The following DACH1 variants were observed in gnomAD, a reference collection of about 807,000 sequenced individuals.
The protein encoded by DACH1 is dachshund homolog 1.
Under a neutral mutation model 54.2 loss-of-function variants are expected in DACH1, and 12 were observed. That is an observed-to-expected ratio of 0.22 (90% CI 0.14 to 0.36). The LOEUF is 0.36. DACH1 is among the 10% of genes least tolerant of loss of function. DACH1 has a pLI of 1.00. For synonymous variants in DACH1, 386 were observed against 366.2 expected, an observed-to-expected ratio of 1.05 and a Z score of -0.62; for missense variants, 805 against 929.8, an observed-to-expected ratio of 0.87 and a Z score of 1.75.
chr13:71,538,995 C>T (rs929250941), intron 6 of DACH1, among the ~76,000 whole-genome samples: 5 of 151,920 alleles, frequency 3.3e-5, no homozygotes, highest in African/African-American at 1.2e-4. Context: ...CGATGTTGCA[C>T]AGTTCCTTAT....
intron 1 of DACH1, among the ~76,000 whole-genome samples, chr13:71,810,892 A>G (rs1458490579): frequency 3.3e-5 from 5 of 152,148 alleles, no homozygotes; most frequent in African/African-American, 1.2e-4. Flanking sequence ...TAATTCCCAA[A>G]ATACTGTAAT....
At chr13:71,678,608 C>G (rs980384293) in intron 2 of DACH1, among the ~76,000 whole-genome samples, 1 of 150,208 alleles carries the variant, frequency 6.7e-6, no homozygotes, top group Non-Finnish European at 1.5e-5. Flanking sequence ...CTCCCTCCCT[C>G]CCTTCTTCCT....
At chr13:71,692,128 G>A (rs1034203574) in intron 1 of DACH1, among the ~76,000 whole-genome samples, 4 of 151,534 alleles carry the variant, frequency 2.6e-5, no homozygotes, top group South Asian at 2.1e-4. Flanking sequence ...GTATTAAAAG[G>A]TCATTTATTA....
intron 1 of DACH1, among the ~76,000 whole-genome samples, chr13:71,764,650 A>G (rs1436797312): frequency 6.6e-6 from 1 of 152,158 alleles, no homozygotes; most frequent in Non-Finnish European, 1.5e-5. Context: ...CCCCATATCT[A>G]ATAATTGCTT....
intron 3 of DACH1, among the ~76,000 whole-genome samples, chr13:71,614,804 T>G (rs1203799406): frequency 6.9e-6 from 1 of 145,216 alleles, no homozygotes; most frequent in Non-Finnish European, 1.5e-5. Context: ...CAGTGAGCCG[T>G]GATTGCACCA....
At chr13:71,837,814 C>T (rs1888856879) in intron 1 of DACH1, among the ~76,000 whole-genome samples, 1 of 149,062 alleles carries the variant, frequency 6.7e-6, no homozygotes, top group Admixed American at 6.7e-5. Flanking sequence ...CCATGGAATA[C>T]TATGCAGCCA....
intron 4 of DACH1, among the ~76,000 whole-genome samples, chr13:71,565,776 T>A (rs965497568): frequency 6.6e-6 from 1 of 152,196 alleles, no homozygotes; most frequent in Non-Finnish European, 1.5e-5. Context: ...CTGAAACAAC[T>A]TAACTTTATT....
chr13:71,763,388 G>GTT (rs1885482913), intron 1 of DACH1, among the ~76,000 whole-genome samples: 14 of 152,248 alleles, frequency 9.2e-5, no homozygotes, highest in African/African-American at 3.4e-4. Context: ...TGTTGTTATA[G>GTT]ATTATTTCCA....
At chr13:71,460,026 T>C (rs1875935883) in intron 10 of DACH1, among the ~76,000 whole-genome samples, 1 of 152,014 alleles carries the variant, frequency 6.6e-6, no homozygotes, top group Non-Finnish European at 1.5e-5. Context: ...ATGTGCATTG[T>C]TGGGTTTAAA....
At chr13:71,821,505 T>A (rs1221225781) in intron 1 of DACH1, among the ~76,000 whole-genome samples, 1 of 152,150 alleles carries the variant, frequency 6.6e-6, no homozygotes, top group African/African-American at 2.4e-5. Flanking sequence ...AATTTTCCCC[T>A]TAATGTAGGC....
chr13:71,589,930 A>G (rs570524803), intron 3 of DACH1, among the ~76,000 whole-genome samples: 1 of 152,210 alleles, frequency 6.6e-6, no homozygotes, highest in Admixed American at 6.5e-5. Flanking sequence ...AAACCATGCC[A>G]GAGAGCAATT....
intron 6 of DACH1, among the ~76,000 whole-genome samples, chr13:71,512,576 C>T (rs1478882170): frequency 6.6e-6 from 1 of 151,778 alleles, no homozygotes; most frequent in East Asian, 1.9e-4. Context: ...CCAATAAACT[C>T]CAAAAATTTG....
chr13:71,682,335 T>G (rs548120444), intron 1 of DACH1, among the ~76,000 whole-genome samples: 1 of 152,326 alleles, frequency 6.6e-6, no homozygotes, highest in South Asian at 2.1e-4. Context: ...TTAAGGTTCT[T>G]CAGGAAATTA....
At chr13:71,579,407 A>G (rs999729107) in intron 3 of DACH1, among the ~76,000 whole-genome samples, 1 of 152,090 alleles carries the variant, frequency 6.6e-6, no homozygotes, top group Non-Finnish European at 1.5e-5. Flanking sequence ...ATTCTTTACT[A>G]CGGCCAATGA....
chr13:71,831,319 A>C (rs1278235603), intron 1 of DACH1, among the ~76,000 whole-genome samples: 3 of 151,864 alleles, frequency 2.0e-5, no homozygotes, highest in Non-Finnish European at 4.4e-5. Context: ...AATATTTAGT[A>C]ACCACATGGT....
At chr13:71,701,828 T>G (rs1231415961) in intron 1 of DACH1, among the ~76,000 whole-genome samples, 1 of 152,180 alleles carries the variant, frequency 6.6e-6, no homozygotes, top group African/African-American at 2.4e-5. Flanking sequence ...TTCAATTCCG[T>G]ACTGTTTTAC....
chr13:71,598,411 C>T (rs1199604950), intron 3 of DACH1, among the ~76,000 whole-genome samples: 2 of 151,930 alleles, frequency 1.3e-5, no homozygotes, highest in African/African-American at 2.4e-5. Context: ...TGCGCCACCA[C>T]GCCCGGCTAA....
At chr13:71,628,214 C>T (rs1876810729) in intron 3 of DACH1, among the ~76,000 whole-genome samples, 1 of 151,970 alleles carries the variant, frequency 6.6e-6, no homozygotes, top group Non-Finnish European at 1.5e-5. Context: ...TCAGGAATTG[C>T]TTTGATCTTT....
At chr13:71,731,876 T>A (rs555637933) in intron 1 of DACH1, among the ~76,000 whole-genome samples, 2 of 152,306 alleles carry the variant, frequency 1.3e-5, no homozygotes, top group African/African-American at 4.8e-5. Flanking sequence ...GTTCCAAGGG[T>A]TCTTCTGAGA....
Sources: gnomAD v4.1 joint callset for allele counts (sites outside exome capture counted in the v4.1 genomes callset) on GRCh38, gnomAD v4.1.1 for gene constraint, MANE v1.5 for transcripts, NCBI Gene and HGNC (gene_info 2026-07-23, HGNC 2026-07-21) for gene names.